SMG6: variants seen among roughly 807,000 people sequenced by gnomAD.
The protein encoded by SMG6 is telomerase-binding protein EST1A.
SMG6 carries 66 observed loss-of-function variants against 142.2 expected under a neutral mutation model. The observed-to-expected ratio is 0.46, with a 90% CI of 0.38 to 0.57. The LOEUF is 0.57. Ranked by LOEUF, SMG6 falls within the 20% of genes least tolerant of loss-of-function variation. The pLI, the probability that SMG6 is intolerant of heterozygous loss-of-function variation, is 0.00. For missense variants in SMG6, 1,793 were observed against 1,832.0 expected (o/e 0.98, Z 0.39); for synonymous variants, 779 against 702.4 (o/e 1.11, Z -1.72).
At chr17:2,092,318 G>A (rs188365321) in intron 13 of SMG6, among the ~76,000 whole-genome samples, 1,524 of 152,250 alleles carry the variant, frequency 0.01, 29 homozygotes, top group African/African-American at 0.034. Flanking sequence ...TAGCTGAAGG[G>A]TCATTGGGTC....
At chr17:2,156,094 T>A (rs1312123432) in intron 13 of SMG6, among the ~76,000 whole-genome samples, 1 of 150,258 alleles carries the variant, frequency 6.7e-6, no homozygotes, top group East Asian at 1.9e-4. Flanking sequence ...GGCACTCAGA[T>A]TAGATAGAGC....
intron 10 of SMG6, among the ~76,000 whole-genome samples, chr17:2,235,364 T>C (rs12450118): frequency 0.33 from 50,060 of 151,984 alleles, 8,644 homozygotes; most frequent in Admixed American, 0.35. Flanking sequence ...TGAGAGGACC[T>C]TGCCTAGTCC....
intron 10 of SMG6, among the ~76,000 whole-genome samples, chr17:2,234,047 A>G (rs2073577802): frequency 6.6e-6 from 1 of 152,172 alleles, no homozygotes; most frequent in African/African-American, 2.4e-5. Flanking sequence ...GGTGAGAGTC[A>G]GGAGCAGACC....
chr17:2,096,747 T>A (rs2068866446), intron 13 of SMG6, among the ~76,000 whole-genome samples: 1 of 147,946 alleles, frequency 6.8e-6, no homozygotes, highest in African/African-American at 2.7e-5. Context: ...CTGCTAGACA[T>A]CCTGGGCACA....
intron 10 of SMG6, among the ~76,000 whole-genome samples, chr17:2,198,536 A>G (rs1373820384): frequency 6.6e-6 from 1 of 152,220 alleles, no homozygotes; most frequent in African/African-American, 2.4e-5. Context: ...TACCAATGTC[A>G]GTTTCACGAT....
chr17:2,165,519 A>G (rs186072273), intron 13 of SMG6, among the ~76,000 whole-genome samples: 143 of 152,384 alleles, frequency 9.4e-4, no homozygotes, highest in Non-Finnish European at 1.7e-3. Context: ...TTACTGGTTG[A>G]GCATCCCTAA....
At position 2,236,514 on chromosome 17, in the gene SMG6, T is replaced by C; in HGVS notation, c.2847A>G (p.Ala949=). Reference sequence around the variant, plus strand: ...TACCTTTCAGCTGGGAGTTGTGTACTGCAAACATATTGATGGTCATAAGCT... The same window carrying C: ...TACCTTTCAGCTGGGAGTTGTGTACCGCAAACATATTGATGGTCATAAGCT... ...MLQLMTINMF[A]VHNSQLKDCF... Residue 949 remains alanine, a synonymous_variant, in exon 10 of 19, where the codon GCA becomes GCG. Transcript: ENST00000263073. 1 of 1,613,224 alleles carries C rather than the reference T, an allele frequency of 6.2e-7. No homozygotes were observed. Among genetic ancestry groups the C allele is most frequent in the Non-Finnish European group, 8.5e-7 (1 of 1,179,586 alleles).
At chr17:2,198,724 A>T (rs1356434704) in intron 10 of SMG6, among the ~76,000 whole-genome samples, 1 of 152,156 alleles carries the variant, frequency 6.6e-6, no homozygotes, top group Non-Finnish European at 1.5e-5. Flanking sequence ...AAACCGAAGA[A>T]GATCTGACAC....
chr17:2,152,135 T>C (rs937365135), intron 13 of SMG6, among the ~76,000 whole-genome samples: 2 of 152,124 alleles, frequency 1.3e-5, no homozygotes, highest in African/African-American at 4.8e-5. Flanking sequence ...TGGCAGGAAG[T>C]GAGGAACCCA....
At chr17:2,061,793 C>T in intron 18 of SMG6, 171 bp from the exon 19 acceptor site, 1 of 690,164 alleles carries the variant, frequency 1.4e-6, no homozygotes, top group Non-Finnish European at 2.4e-6. Context: ...GGGACCCTCC[C>T]CTGCTGGCCT....
rs751108862 is a variant in SMG6 at position 2,172,838 on chromosome 17, C to T, written c.3177G>A (p.Ser1059=). Residue 1059 remains serine (S), a synonymous_variant, in exon 13 of 19, where the codon TCG becomes TCA. Transcript: ENST00000263073. ...LPSHVAVDVW[S]TLADFCNILT... The stretch of plus-strand genomic sequence containing the variant: ...GTATGTTACAGAAATCAGCCAGCGT[C>T]GACCATACATCCACAGCAACACTGT... 14 of 1,613,954 alleles carry T rather than the reference C, an allele frequency of 8.7e-6. No individual in the cohort carries two copies. The highest frequency in any genetic ancestry group is 6.6e-5 in the South Asian group (6 of 91,084).
intron 10 of SMG6, among the ~76,000 whole-genome samples, chr17:2,189,497 T>C (rs1233710173): frequency 6.6e-6 from 1 of 152,164 alleles, no homozygotes; most frequent in Non-Finnish European, 1.5e-5. Context: ...CCAGGCTCAC[T>C]AGCTCTGGCA....
At chr17:2,303,558 G>T in intron 1 of SMG6, 75 bp downstream of exon 1, 21 of 1,349,758 alleles carry the variant, frequency 1.6e-5, no homozygotes, top group Non-Finnish European at 2.0e-5. Context: ...AGGGCCGAGC[G>T]GGGAGGAGGC....
chr17:2,157,140 C>T (rs181483377), intron 13 of SMG6, among the ~76,000 whole-genome samples: 8 of 152,316 alleles, frequency 5.3e-5, no homozygotes, highest in African/African-American at 1.9e-4. Flanking sequence ...TAGTCACCAA[C>T]CTTGCAGTCT....
At chr17:2,237,557 G>A (rs1173841142) in intron 9 of SMG6, 1 of 985,298 alleles carries the variant, frequency 1.0e-6, no homozygotes, top group Non-Finnish European at 1.2e-6. Context: ...CCTCTCACAA[G>A]GCTCTGCTCA....
chr17:2,235,849 T>A (rs940578082), intron 10 of SMG6: 6 of 152,486 alleles, frequency 3.9e-5, no homozygotes, highest in African/African-American at 1.2e-4. Context: ...CCTGCCAATC[T>A]GTCCTTCTCC....
chr17:2,287,125 G>T (rs1306358153), intron 6 of SMG6, among the ~76,000 whole-genome samples: 4 of 151,878 alleles, frequency 2.6e-5, no homozygotes, highest in Non-Finnish European at 5.9e-5. Flanking sequence ...TAGAGACGGG[G>T]TTTCATCGTG....
intron 8 of SMG6, among the ~76,000 whole-genome samples, chr17:2,275,356 C>T (rs1237515418): frequency 6.6e-6 from 1 of 152,096 alleles, no homozygotes; most frequent in Non-Finnish European, 1.5e-5. Context: ...CAGGAGGTGG[C>T]GGCTGCAGTG....
intron 8 of SMG6, among the ~76,000 whole-genome samples, chr17:2,260,596 A>T (rs145197355): frequency 1.3e-5 from 2 of 152,338 alleles, no homozygotes; most frequent in African/African-American, 2.4e-5. Context: ...CTTAACAAGG[A>T]TCCACAAAGC....
Sources: allele counts gnomAD v4.1 joint callset (sites outside exome capture counted in the v4.1 genomes callset), GRCh38; gene constraint gnomAD v4.1.1; transcripts MANE v1.5; gene names NCBI Gene and HGNC (gene_info 2026-07-23, HGNC 2026-07-21).